The following SEMA4D variants were observed in gnomAD, a reference collection of about 807,000 sequenced individuals.
SEMA4D encodes semaphorin 4D.
SEMA4D carries 22 observed loss-of-function variants against 74.8 expected under a neutral mutation model. That is an observed-to-expected ratio of 0.29 (90% CI 0.21 to 0.42). The LOEUF (loss-of-function observed/expected upper bound fraction) is 0.42, where lower values mean the gene tolerates loss of function less well. Among genes scored for constraint, SEMA4D ranks in the 10% least tolerant of loss-of-function variants. SEMA4D has a pLI of 1.00. For synonymous variants in SEMA4D, 445 were observed against 463.7 expected (o/e 0.96, Z 0.52); for missense variants, 937 against 1,118.4 (o/e 0.84, Z 2.31).
chr9:89,465,094 C>T (rs1464982034), intron 1 of SEMA4D, among the ~76,000 whole-genome samples: 1 of 152,210 alleles, frequency 6.6e-6, no homozygotes, highest in African/African-American at 2.4e-5. Flanking sequence ...GAAGGGGGCA[C>T]ATTTCCACAT....
At chr9:89,462,607 G>C (rs868554567) in intron 1 of SEMA4D, among the ~76,000 whole-genome samples, 1 of 151,580 alleles carries the variant, frequency 6.6e-6, no homozygotes, top group Non-Finnish European at 1.5e-5. Flanking sequence ...ACCAGTCTAC[G>C]GCAAACAACT....
In SEMA4D at chr9:89,484,829, G is replaced by A. The variant is rs1011802383; in HGVS notation, c.-310+13090C>T. Among the ~76,000 whole-genome samples the A allele has an allele frequency of 1.9e-4, 28 of 150,280 alleles. No individual in the cohort carries two copies. Among genetic ancestry groups the A allele is most frequent in the African/African-American group, 6.9e-4 (28 of 40,772 alleles). On this transcript the variant is annotated intron_variant, in intron 1 of 15. Coordinates refer to ENST00000422704, the MANE Select transcript of SEMA4D (RefSeq NM_001371194.2). This position sits in a 1 kb window ranked among gnomAD's most constrained non-coding sequence, Gnocchi z 4.1. ...TGTGGTGGGTGTGTGGTGTGTGGATGTATTGTGTGGTGTGTGTGTAATGTG... is the reference window on the plus strand; with the variant it reads ...TGTGGTGGGTGTGTGGTGTGTGGATATATTGTGTGGTGTGTGTGTAATGTG...
intron 16 of SEMA4D, among the ~76,000 whole-genome samples, chr9:89,371,379 ATG>A (rs1385279402): frequency 1.4e-4 from 5 of 35,730 alleles, no homozygotes; most frequent in Admixed American, 4.1e-4. Flanking sequence ...GGGGTGTGGC[ATG>A]TGTGTCTGGG....
In SEMA4D at chr9:89,380,035, T is replaced by C. The variant is rs1836659449; in HGVS notation, c.1664-406A>G. Reference sequence around the variant, plus strand: ...ACTCTCCTCCTGCCTAAACTTTTCTTTTTTTTCTTTTTTTTGAAACAGGGT... The same window carrying C: ...ACTCTCCTCCTGCCTAAACTTTTCTCTTTTTTCTTTTTTTTGAAACAGGGT... On this transcript the variant is annotated intron_variant, in intron 15 of 15. Coordinates refer to ENST00000422704, the MANE Select transcript of SEMA4D (RefSeq NM_001371194.2). 2.0e-5 allele frequency among the ~76,000 whole-genome samples: 3 copies of C among 152,054 alleles called. No homozygotes were observed. In the South Asian group the frequency reaches 6.2e-4, roughly 31 times the overall value.
At chr9:89,460,208 A>AGCCAG (rs1465339827) in intron 1 of SEMA4D, among the ~76,000 whole-genome samples, 4 of 152,304 alleles carry the variant, frequency 2.6e-5, no homozygotes, top group African/African-American at 7.2e-5. Context: ...GGTCCCACAG[A>AGCCAG]GCCAGTGCAG....
intron 6 of SEMA4D, among the ~76,000 whole-genome samples, chr9:89,395,227 A>G (rs1296362991): frequency 6.6e-6 from 1 of 152,210 alleles, no homozygotes; most frequent in African/African-American, 2.4e-5. Flanking sequence ...GGAGTTCAAG[A>G]CCAGCCTGAC....
intron 9 of SEMA4D, among the ~76,000 whole-genome samples, chr9:89,389,580 A>G (rs1415910424): frequency 6.6e-6 from 1 of 152,260 alleles, no homozygotes; most frequent in Non-Finnish European, 1.5e-5. Flanking sequence ...AGTATCTGCT[A>G]AAGTGCTTTG....
intron 1 of SEMA4D, among the ~76,000 whole-genome samples, chr9:89,466,795 C>T (rs1027432277): frequency 1.3e-5 from 2 of 152,150 alleles, no homozygotes; most frequent in Admixed American, 6.5e-5. Context: ...AGGTCACAAG[C>T]ATTCACCTCG....
chr9:89,449,673 T>A (rs1307546123), intron 2 of SEMA4D: 4 of 1,508,716 alleles, frequency 2.7e-6, no homozygotes, highest in Middle Eastern at 2.3e-4. Flanking sequence ...GGTGGACGCA[T>A]CTAGCTCAGG....
intron 2 of SEMA4D, among the ~76,000 whole-genome samples, chr9:89,441,539 C>A (rs1000714638): frequency 6.6e-6 from 1 of 152,240 alleles, no homozygotes; most frequent in Non-Finnish European, 1.5e-5. Context: ...GGGCCACCCC[C>A]ACATCACTGT....
intron 1 of SEMA4D, among the ~76,000 whole-genome samples, chr9:89,496,975 A>C (rs532585627): frequency 7.9e-5 from 12 of 152,348 alleles, no homozygotes; most frequent in African/African-American, 2.9e-4. Flanking sequence ...GATGTGCTCA[A>C]CACAGAGTGA....
chr9:89,390,520 C>T (rs1264570048), intron 9 of SEMA4D, among the ~76,000 whole-genome samples: 1 of 152,226 alleles, frequency 6.6e-6, no homozygotes, highest in Non-Finnish European at 1.5e-5. Context: ...CAAAGGCACC[C>T]ACTTTTGTGC....
intron 1 of SEMA4D, among the ~76,000 whole-genome samples, chr9:89,462,865 G>A (rs1277737765): frequency 2.1e-5 from 3 of 141,474 alleles, no homozygotes; most frequent in Admixed American, 7.2e-5. Context: ...GATCACATGA[G>A]CCTGGGAGTT....
intron 16 of SEMA4D, chr9:89,367,029 C>T (rs1328322963): frequency 1.3e-5 from 2 of 152,454 alleles, no homozygotes; most frequent in African/African-American, 2.4e-5. Context: ...CAGAAACAGA[C>T]ACGTGCTTAC....
chr9:89,394,695 C>T (rs189764210), intron 6 of SEMA4D, among the ~76,000 whole-genome samples: 4 of 152,320 alleles, frequency 2.6e-5, no homozygotes, highest in Admixed American at 1.3e-4. Context: ...CGTGGAAGGC[C>T]GCAGCTGACA....
At chr9:89,385,626 AG>A (rs1838269310) in intron 13 of SEMA4D, 1 of 936,680 alleles carries the variant, frequency 1.1e-6, no homozygotes, top group Non-Finnish European at 1.3e-6. Context: ...AAAAGGACCC[AG>A]GCTCCCAAGC....
chr9:89,394,447 GC>G (rs1372597071), intron 6 of SEMA4D, among the ~76,000 whole-genome samples: 69 of 152,344 alleles, frequency 4.5e-4, no homozygotes, highest in African/African-American at 1.6e-3. Flanking sequence ...AGAAAAACAG[GC>G]AAAATCCAGC....
chr9:89,408,977 C>T (rs900286977), intron 2 of SEMA4D, among the ~76,000 whole-genome samples: 2 of 152,186 alleles, frequency 1.3e-5, no homozygotes, highest in Admixed American at 1.3e-4. Context: ...AAGACGGATG[C>T]GGAGCCTGCA....
At chr9:89,374,740 C>T (rs905100446), downstream of SEMA4D, among the ~76,000 whole-genome samples, 3 of 152,184 alleles carry the variant, frequency 2.0e-5, no homozygotes, top group Non-Finnish European at 4.4e-5. Context: ...AGGGGGTACA[C>T]CTGGAGCCTC....
Sources: allele counts gnomAD v4.1 joint callset (sites outside exome capture counted in the v4.1 genomes callset), GRCh38; gene constraint gnomAD v4.1.1; non-coding constraint Gnocchi (gnomAD v3.1); transcripts MANE v1.5; gene names NCBI Gene and HGNC (gene_info 2026-07-23, HGNC 2026-07-21).